STAG1: variants seen among roughly 807,000 people sequenced by gnomAD.
STAG1 encodes STAG1 cohesin complex component.
In STAG1, 26 loss-of-function variants were observed where a neutral mutation model predicts 170.9. The ratio of observed to expected loss-of-function variants is 0.15; its 90% CI spans 0.11 to 0.21. STAG1 has a LOEUF of 0.21. STAG1 is among the 10% of genes least tolerant of loss of function. The pLI is 1.00. For missense variants in STAG1, 964 were observed against 1,509.5 expected, an observed-to-expected ratio of 0.64 and a Z score of 5.99; for synonymous variants, 514 against 497.7, an observed-to-expected ratio of 1.03 and a Z score of -0.44.
chr3:136,451,203 A>C (rs1338639185), intron 14 of STAG1, among the ~76,000 whole-genome samples: 1 of 152,010 alleles, frequency 6.6e-6, no homozygotes, highest in African/African-American at 2.4e-5. Context: ...TTTGGTGGAA[A>C]AACCGAAGTT....
At chr3:136,540,851 A>AAAAAAAAAAC (rs1559868703) in intron 6 of STAG1, among the ~76,000 whole-genome samples, 1 of 145,732 alleles carries the variant, frequency 6.9e-6, no homozygotes, top group Non-Finnish European at 1.5e-5. Context: ...AAAAAAAAAA[A>AAAAAAAAAAC]ACCTATATAT....
chr3:136,519,516 T>G (rs1934557848), intron 7 of STAG1, among the ~76,000 whole-genome samples: 1 of 152,092 alleles, frequency 6.6e-6, no homozygotes. Context: ...TTACAAGCAA[T>G]TTCTACTTTA....
At chr3:136,533,311 A>T (rs1238991172) in intron 6 of STAG1, among the ~76,000 whole-genome samples, 1 of 152,188 alleles carries the variant, frequency 6.6e-6, no homozygotes, top group Non-Finnish European at 1.5e-5. Context: ...ATATTGGTAA[A>T]ATGTTGGTAA....
intron 7 of STAG1, among the ~76,000 whole-genome samples, chr3:136,510,140 GA>G (rs1333287218): frequency 2.0e-5 from 3 of 152,152 alleles, no homozygotes; most frequent in Non-Finnish European, 4.4e-5. Context: ...GTATATACCT[GA>G]TATGGCTTGG....
intron 1 of STAG1, among the ~76,000 whole-genome samples, chr3:136,673,050 C>G (rs1298878348): frequency 6.6e-6 from 1 of 152,174 alleles, no homozygotes; most frequent in Non-Finnish European, 1.5e-5. Context: ...GATGGGGCAT[C>G]TCAATGAAGA....
chr3:136,689,059 T>C (rs1942632195), intron 1 of STAG1, among the ~76,000 whole-genome samples: 1 of 152,238 alleles, frequency 6.6e-6, no homozygotes, highest in Non-Finnish European at 1.5e-5. Flanking sequence ...AGCAGATTCT[T>C]TATGGTGTTC....
chr3:136,403,458 C>T (rs1576431970), intron 21 of STAG1, among the ~76,000 whole-genome samples: 1 of 151,712 alleles, frequency 6.6e-6, no homozygotes, highest in African/African-American at 2.4e-5. Context: ...AAAAAAATTA[C>T]CCTAATACAC....
At chr3:136,561,473 T>C (rs1247406887) in intron 5 of STAG1, among the ~76,000 whole-genome samples, 3 of 152,240 alleles carry the variant, frequency 2.0e-5, no homozygotes, top group Non-Finnish European at 2.9e-5. Context: ...GAAAGAATTT[T>C]CCCCCTCACT....
intron 7 of STAG1, among the ~76,000 whole-genome samples, chr3:136,513,799 G>C (rs1375875234): frequency 1.3e-5 from 2 of 151,782 alleles, no homozygotes; most frequent in Non-Finnish European, 2.9e-5. Flanking sequence ...ACAAAAAGGA[G>C]AGAACAAATT....
chr3:136,521,183 T>C (rs1205704113), intron 7 of STAG1, 30 bp downstream of exon 7: 2 of 1,568,344 alleles, frequency 1.3e-6, no homozygotes, highest in African/African-American at 1.4e-5. Flanking sequence ...CAAAACTAAA[T>C]GAAAAGGAAA....
chr3:136,680,773 AATAT>A (rs563329180), intron 1 of STAG1, among the ~76,000 whole-genome samples: 164 of 151,096 alleles, frequency 1.1e-3, no homozygotes, highest in African/African-American at 3.8e-3. Flanking sequence ...ACTAGTGGTA[AATAT>A]ATATATAAAG....
At chr3:136,365,954 A>G (rs1488491343) in intron 25 of STAG1, among the ~76,000 whole-genome samples, 1 of 151,566 alleles carries the variant, frequency 6.6e-6, no homozygotes, top group Non-Finnish European at 1.5e-5. Flanking sequence ...CTCATCTAGT[A>G]AGCTCCTATT....
chr3:136,370,581 A>G (rs929945887), intron 23 of STAG1, among the ~76,000 whole-genome samples: 12 of 152,070 alleles, frequency 7.9e-5, no homozygotes, highest in African/African-American at 2.2e-4. Context: ...TCATTGTTCA[A>G]TTCCCACCTA....
intron 2 of STAG1, among the ~76,000 whole-genome samples, chr3:136,629,213 C>A (rs1940226449): frequency 6.6e-6 from 1 of 152,044 alleles, no homozygotes; most frequent in Non-Finnish European, 1.5e-5. Flanking sequence ...TATTAAAGGC[C>A]TACCTAATAC....
intron 21 of STAG1, among the ~76,000 whole-genome samples, chr3:136,405,483 C>T (rs1041546287): frequency 2.0e-5 from 3 of 151,804 alleles, no homozygotes; most frequent in African/African-American, 7.3e-5. Context: ...CTCAAACGAT[C>T]TGCCTGTATC....
intron 21 of STAG1, among the ~76,000 whole-genome samples, chr3:136,401,499 G>C (rs1350573472): frequency 6.6e-6 from 1 of 152,162 alleles, no homozygotes; most frequent in East Asian, 1.9e-4. Flanking sequence ...GTCATTGACA[G>C]TTGCTGGGTC....
intron 4 of STAG1, among the ~76,000 whole-genome samples, chr3:136,595,602 G>T (rs565533953): frequency 1.3e-5 from 2 of 151,636 alleles, no homozygotes; most frequent in African/African-American, 4.8e-5. Flanking sequence ...GCATGAATCC[G>T]GGAGGTGGAG....
At chr3:136,656,452 A>AT (rs34697988) in intron 1 of STAG1, among the ~76,000 whole-genome samples, 144,994 of 151,716 alleles carry the variant, frequency 0.96, 69,341 homozygotes, top group East Asian at 1. Flanking sequence ...GTATTTTATC[A>AT]TTTTTTTTCC....
intron 1 of STAG1, among the ~76,000 whole-genome samples, chr3:136,707,121 T>C (rs748726163): frequency 7.9e-5 from 12 of 152,162 alleles, no homozygotes; most frequent in Admixed American, 5.2e-4. Flanking sequence ...AGAGAAAACA[T>C]AGAAGTAACC....
Sources: gnomAD v4.1 joint callset for allele counts (sites outside exome capture counted in the v4.1 genomes callset) on GRCh38, gnomAD v4.1.1 for gene constraint, MANE v1.5 for transcripts, NCBI Gene and HGNC (gene_info 2026-07-23, HGNC 2026-07-21) for gene names.